The following GRAMD4 variants were observed in gnomAD, a reference collection of about 807,000 sequenced individuals.
GRAMD4 encodes GRAM domain-containing protein 4.
GRAMD4 carries 25 observed loss-of-function variants against 83.9 expected under a neutral mutation model. That is an observed-to-expected ratio of 0.30 (90% confidence interval 0.22 to 0.42). The LOEUF (loss-of-function observed/expected upper bound fraction) is 0.42, where lower values mean the gene tolerates loss of function less well. GRAMD4 is among the 10% of genes least tolerant of loss of function. The probability of loss-of-function intolerance (pLI) is 1.00; values close to 1 mark genes in which losing one functional copy is unlikely to be tolerated. For synonymous variants in GRAMD4, 336 were observed against 320.9 expected (o/e 1.05, Z -0.50); for missense variants, 593 against 788.7 (o/e 0.75, Z 2.97).
chr22:46,636,750 G>A (rs117282537), intron 2 of GRAMD4, among the ~76,000 whole-genome samples: 2 of 152,202 alleles, frequency 1.3e-5, no homozygotes, highest in African/African-American at 2.4e-5. Context: ...ATCCAGTGTG[G>A]GGCCCAGGCA....
intron 1 of GRAMD4, among the ~76,000 whole-genome samples, chr22:46,594,704 G>A (rs1052902832): frequency 9.9e-5 from 15 of 152,114 alleles, no homozygotes; most frequent in African/African-American, 3.1e-4. Context: ...TAGGAGGGCC[G>A]GACTGGAGAT....
chr22:46,607,915 A>T (rs370620138), intron 1 of GRAMD4, among the ~76,000 whole-genome samples: 90 of 152,012 alleles, frequency 5.9e-4, no homozygotes, highest in African/African-American at 2.0e-3. Context: ...TGCTCCTCTG[A>T]GCACCTTCCT....
intron 1 of GRAMD4, among the ~76,000 whole-genome samples, chr22:46,610,252 G>A (rs1732658347): frequency 6.6e-6 from 1 of 152,216 alleles, no homozygotes; most frequent in Non-Finnish European, 1.5e-5. Context: ...GCCTGGTGAG[G>A]GCTGCGGTTC....
chr22:46,671,035 T>G (rs1449001106), intron 13 of GRAMD4: 2 of 447,044 alleles, frequency 4.5e-6, no homozygotes, highest in Non-Finnish European at 9.6e-6. Context: ...TCGGTGCCCA[T>G]GTATTCTTTT....
intron 1 of GRAMD4, among the ~76,000 whole-genome samples, chr22:46,586,831 G>A (rs1029637985): frequency 2.0e-5 from 3 of 152,170 alleles, no homozygotes; most frequent in African/African-American, 7.2e-5. Flanking sequence ...TGATGAGGAG[G>A]GAGCTGAGGC....
At chr22:46,578,064 C>G (rs2081062538) in intron 1 of GRAMD4, among the ~76,000 whole-genome samples, 1 of 152,194 alleles carries the variant, frequency 6.6e-6, no homozygotes, top group South Asian at 2.1e-4. Context: ...TGCCCCGGGG[C>G]CAGGGACCTG....
At position 46,677,952 on chromosome 22, in the gene GRAMD4, C is replaced by T. The variant is rs535102291; in HGVS notation, c.*701C>T. On this transcript the variant is annotated 3_prime_UTR_variant, in exon 19 of 19. Coordinates refer to ENST00000406902, the MANE Select transcript of GRAMD4 (RefSeq NM_015124.5). Reference sequence around the variant, plus strand: ...GCACCTTCCTTGCTGGCCTCCAGGGCGCTCAGCACCGCGTCTGTAAGGGCC... The same window carrying T: ...GCACCTTCCTTGCTGGCCTCCAGGGTGCTCAGCACCGCGTCTGTAAGGGCC... 2.5e-5 allele frequency: 25 copies of T among 985,220 alleles called. No individual in the cohort carries two copies. The highest frequency in any genetic ancestry group is 5.2e-4 in the Middle Eastern group (1 of 1,918). The allele number at this position is 985,220 out of a possible 1,614,324, so 61.0% of individuals were successfully genotyped here. A position where few individuals can be genotyped will look rare whatever the true frequency, so the allele number is the denominator to read the frequency against.
intron 2 of GRAMD4, among the ~76,000 whole-genome samples, chr22:46,631,022 C>T (rs1173392359): frequency 6.6e-6 from 1 of 152,200 alleles, no homozygotes; most frequent in Non-Finnish European, 1.5e-5. Flanking sequence ...TGTTCTCAGG[C>T]TTCTCTCTCC....
At chr22:46,617,307 C>T (rs116214996), upstream of GRAMD4, among the ~76,000 whole-genome samples, 11,481 of 150,714 alleles carry the variant, frequency 0.076, 754 homozygotes, top group African/African-American at 0.18. Context: ...CATGTAGGTT[C>T]CCCTGTGTGT....
At chr22:46,587,844 C>T (rs2081165774) in intron 1 of GRAMD4, 4 of 922,288 alleles carry the variant, frequency 4.3e-6, no homozygotes, top group South Asian at 1.0e-4. Flanking sequence ...GGAAGTGAAA[C>T]AGGCGTGTGC....
chr22:46,679,878 GC>G (rs1356870414), downstream of GRAMD4: 1 of 737,584 alleles, frequency 1.4e-6, no homozygotes, highest in East Asian at 1.3e-4. Flanking sequence ...CAGTGCCGCT[GC>G]CAGCCCGCCA....
chr22:46,674,511 C>T lies in GRAMD4; in HGVS notation c.1385-146C>T, dbSNP rs146283469. The T allele has an allele frequency of 5.0e-3, 3,522 of 700,622 alleles. 22 individuals are homozygous for T. The highest frequency in any genetic ancestry group is 6.4e-3 in the Non-Finnish European group (2,421 of 380,520). 43.4% of individuals were successfully genotyped at this position (700,622 alleles called of 1,614,324 possible). ...CCCTCTGGGGCCACCTCACTCTTGC[C>T]GGCGCGCCTTCCTCTCACTGTGGGT... On this transcript the variant is annotated intron_variant, in intron 15 of 18. Transcript: ENST00000406902.
At chr22:46,596,465 G>A (rs2081263051) in intron 1 of GRAMD4, among the ~76,000 whole-genome samples, 1 of 152,240 alleles carries the variant, frequency 6.6e-6, no homozygotes, top group South Asian at 2.1e-4. Context: ...CTTGGCAAGG[G>A]GCTCGAATGG....
intron 1 of GRAMD4, among the ~76,000 whole-genome samples, chr22:46,610,554 A>C (rs1389879576): frequency 6.6e-6 from 1 of 152,178 alleles, no homozygotes; most frequent in Non-Finnish European, 1.5e-5. Flanking sequence ...GCTGAACCCC[A>C]CCTAGGAGCC....
intron 3 of GRAMD4, among the ~76,000 whole-genome samples, chr22:46,644,124 A>G (rs2082029823): frequency 6.6e-6 from 1 of 152,230 alleles, no homozygotes; most frequent in Non-Finnish European, 1.5e-5. Context: ...CTCACATTAT[A>G]TCCTGTAGGT....
At chr22:46,631,200 G>A (rs1014728198) in intron 2 of GRAMD4, among the ~76,000 whole-genome samples, 2 of 152,232 alleles carry the variant, frequency 1.3e-5, no homozygotes, top group African/African-American at 4.8e-5. Flanking sequence ...CTGTCAGTGT[G>A]CAGTTCAGGG....
chr22:46,597,117 T>G (rs149009556), intron 1 of GRAMD4, among the ~76,000 whole-genome samples: 1 of 152,300 alleles, frequency 6.6e-6, no homozygotes, highest in Non-Finnish European at 1.5e-5. Flanking sequence ...TTTGGAGAGC[T>G]GCAAAGTGGC....
At chr22:46,632,196 G>A (rs1012693340) in intron 2 of GRAMD4, among the ~76,000 whole-genome samples, 3 of 152,202 alleles carry the variant, frequency 2.0e-5, no homozygotes, top group Non-Finnish European at 2.9e-5. Context: ...AGGGGCCCAC[G>A]AGGCTGGGCT....
intron 3 of GRAMD4, among the ~76,000 whole-genome samples, chr22:46,652,385 A>C (rs1408633520): frequency 6.6e-6 from 1 of 152,164 alleles, no homozygotes; most frequent in African/African-American, 2.4e-5. Context: ...TGCAGAAGGA[A>C]CAGCCCTGCC....
Sources: gnomAD v4.1 joint callset for allele counts (sites outside exome capture counted in the v4.1 genomes callset) on GRCh38, gnomAD v4.1.1 for gene constraint, MANE v1.5 for transcripts, NCBI Gene and HGNC (gene_info 2026-07-23, HGNC 2026-07-21) for gene names.